Variants in ADAMTS19 observed in about 807,000 individuals in gnomAD.
ADAMTS19 encodes the protein ADAM metallopeptidase with thrombospondin type 1 motif 19.
A neutral mutation model predicts 153.3 loss-of-function variants in ADAMTS19; 93 were observed. That is an observed-to-expected ratio of 0.61 (90% confidence interval 0.51 to 0.72). ADAMTS19 has a LOEUF of 0.72. Ranked by LOEUF, ADAMTS19 falls within the 30% of genes least tolerant of loss-of-function variation. The pLI is 0.00. For synonymous variants in ADAMTS19, 600 were observed against 556.6 expected (o/e 1.08, Z -1.10); for missense variants, 1,482 against 1,552.1 (o/e 0.95, Z 0.76).
At chr5:129,632,113 G>A (rs1224339881) in intron 10 of ADAMTS19, among the ~76,000 whole-genome samples, 1 of 152,016 alleles carries the variant, frequency 6.6e-6, no homozygotes, top group South Asian at 2.1e-4. Flanking sequence ...ACTCAAATCT[G>A]CTGCTCTAGC....
intron 7 of ADAMTS19, among the ~76,000 whole-genome samples, chr5:129,576,995 C>T (rs1443653711): frequency 2.0e-5 from 3 of 152,060 alleles, no homozygotes; most frequent in Non-Finnish European, 2.9e-5. Context: ...TCGGAGTCAA[C>T]GTGGGCTCAG....
chr5:129,482,934 A>G, intron 2 of ADAMTS19, among the ~76,000 whole-genome samples: 1 of 152,206 alleles, frequency 6.6e-6, no homozygotes, highest in Admixed American at 6.6e-5. Context: ...TTATAGGGTC[A>G]TAAATAACAA....
chr5:129,652,042 G>T (rs1031961689), intron 13 of ADAMTS19, among the ~76,000 whole-genome samples: 23 of 152,124 alleles, frequency 1.5e-4, no homozygotes, highest in African/African-American at 5.3e-4. Flanking sequence ...AAAAAAATCA[G>T]AGTTGGATGG....
intron 8 of ADAMTS19, among the ~76,000 whole-genome samples, chr5:129,613,020 C>T (rs1290364029): frequency 6.6e-6 from 1 of 152,096 alleles, no homozygotes; most frequent in South Asian, 2.1e-4. Context: ...AATGCAGGAG[C>T]ACCCGGATTC....
intron 2 of ADAMTS19, among the ~76,000 whole-genome samples, chr5:129,504,267 C>G (rs1295020588): frequency 6.6e-6 from 1 of 152,138 alleles, no homozygotes; most frequent in Non-Finnish European, 1.5e-5. Flanking sequence ...CTCTCAGGAC[C>G]TTTCTCAGAT....
chr5:129,696,309 C>T lies in ADAMTS19; in HGVS notation c.2954+1454C>T, dbSNP rs533865890. Reference sequence around the variant, plus strand: ...GCACATGCCTATAATCCTAGCTACTCGGGAGGCTGAGGCAGGAGAATCACT... The same window carrying T: ...GCACATGCCTATAATCCTAGCTACTTGGGAGGCTGAGGCAGGAGAATCACT... On this transcript the variant is annotated intron_variant, in intron 19 of 22. Coordinates refer to ENST00000274487, the MANE Select transcript of ADAMTS19 (RefSeq NM_133638.6). Among the ~76,000 whole-genome samples, 12 of 152,130 alleles carry T rather than the reference C, an allele frequency of 7.9e-5. No homozygotes were observed. The South Asian group carries it at 1.0e-3, about 13-fold the overall frequency.
At chr5:129,602,899 A>G (rs920391589) in intron 8 of ADAMTS19, among the ~76,000 whole-genome samples, 2 of 150,528 alleles carry the variant, frequency 1.3e-5, no homozygotes, top group African/African-American at 4.9e-5. Flanking sequence ...AATTTACTTT[A>G]TTATGCATAG....
At chr5:129,575,109 T>A (rs1421340981) in intron 7 of ADAMTS19, among the ~76,000 whole-genome samples, 1 of 152,016 alleles carries the variant, frequency 6.6e-6, no homozygotes, top group Non-Finnish European at 1.5e-5. Context: ...AGTTTATAGA[T>A]TACTTGAATA....
At position 129,528,687 on chromosome 5, in the gene ADAMTS19, C is replaced by T. The variant is rs1413090242; in HGVS notation, c.1328+10C>T. ...CTATACTTATAACAAGGTAAATTTT[C>T]CAATGCCAATTAAATGGCATTCCTA... is the stretch of plus-strand genomic sequence containing the variant. On this transcript the variant is annotated intron_variant, in intron 6 of 22. Coordinates refer to ENST00000274487, the MANE Select transcript of ADAMTS19 (RefSeq NM_133638.6). The T allele has an allele frequency of 6.3e-7, 1 of 1,577,124 alleles. No individual in the cohort carries two copies. The highest frequency in any genetic ancestry group is 1.9e-5 in the Admixed American group (1 of 52,968).
At chr5:129,528,744 C>A in intron 6 of ADAMTS19, 67 bp downstream of exon 6, 1 of 1,238,384 alleles carries the variant, frequency 8.1e-7, no homozygotes, top group Non-Finnish European at 1.1e-6. Context: ...TCCCATTAAT[C>A]CCTTAATAGA....
At chr5:129,723,570 G>A (rs1367291784) in intron 21 of ADAMTS19, among the ~76,000 whole-genome samples, 1 of 152,126 alleles carries the variant, frequency 6.6e-6, no homozygotes, top group Non-Finnish European at 1.5e-5. Context: ...ATTCTATCAT[G>A]TTTAGTGTTT....
intron 2 of ADAMTS19, among the ~76,000 whole-genome samples, chr5:129,498,660 G>A (rs1456628904): frequency 1.3e-5 from 2 of 151,892 alleles, no homozygotes; most frequent in African/African-American, 2.4e-5. Flanking sequence ...TTATGGCATC[G>A]CTCACCTGGG....
intron 2 of ADAMTS19, among the ~76,000 whole-genome samples, chr5:129,498,924 T>C (rs1209877502): frequency 6.6e-6 from 1 of 151,920 alleles, no homozygotes; most frequent in Non-Finnish European, 1.5e-5. Context: ...CCACTAAATA[T>C]ACAAAGTCCA....
intron 21 of ADAMTS19, among the ~76,000 whole-genome samples, chr5:129,713,200 A>G (rs902592561): frequency 1.3e-5 from 2 of 152,202 alleles, no homozygotes; most frequent in Non-Finnish European, 2.9e-5. Context: ...AAAGGATTCT[A>G]TGTTGCAGGG....
At chr5:129,674,155 C>T (rs570177454) in intron 16 of ADAMTS19, among the ~76,000 whole-genome samples, 30 of 151,886 alleles carry the variant, frequency 2.0e-4, no homozygotes, top group African/African-American at 6.8e-4. Context: ...CACTTGAACC[C>T]GGGAGGCGGA....
At chr5:129,597,065 GA>G (rs1446583031) in intron 8 of ADAMTS19, among the ~76,000 whole-genome samples, 1 of 152,090 alleles carries the variant, frequency 6.6e-6, no homozygotes, top group Admixed American at 6.6e-5. Context: ...ATAAGTGAAG[GA>G]ATTAACCCGC....
chr5:129,691,859 C>T (rs963185468), intron 18 of ADAMTS19, among the ~76,000 whole-genome samples: 1 of 151,992 alleles, frequency 6.6e-6, no homozygotes, highest in Admixed American at 6.6e-5. Context: ...TATCTCAGTA[C>T]GTAAGCAGTA....
intron 2 of ADAMTS19, among the ~76,000 whole-genome samples, chr5:129,499,953 C>G (rs185467097): frequency 3.9e-5 from 6 of 152,200 alleles, no homozygotes; most frequent in Admixed American, 3.9e-4. Flanking sequence ...ACATGTATAG[C>G]TTTTCATTAA....
At chr5:129,497,976 C>T (rs1750980262) in intron 2 of ADAMTS19, among the ~76,000 whole-genome samples, 1 of 152,024 alleles carries the variant, frequency 6.6e-6, no homozygotes, top group Non-Finnish European at 1.5e-5. Flanking sequence ...TCATTTGCTT[C>T]CAATTACACT....
Sources: allele counts gnomAD v4.1 joint callset (sites outside exome capture counted in the v4.1 genomes callset), GRCh38; gene constraint gnomAD v4.1.1; transcripts MANE v1.5; gene names NCBI Gene and HGNC (gene_info 2026-07-23, HGNC 2026-07-21).